PCSK2: variants seen among roughly 807,000 people sequenced by gnomAD.
PCSK2 encodes proprotein convertase subtilisin/kexin type 2, also known as neuroendocrine convertase 2.
In PCSK2, 14 loss-of-function variants were observed where a neutral mutation model predicts 69.7. The ratio of observed to expected loss-of-function variants is 0.20; its 90% CI spans 0.13 to 0.31. The LOEUF (loss-of-function observed/expected upper bound fraction) is 0.31, where lower values mean the gene tolerates loss of function less well. PCSK2 is among the 10% of genes least tolerant of loss of function. PCSK2 has a pLI of 1.00. For missense variants in PCSK2, 544 were observed against 842.5 expected (o/e 0.65, Z 4.39); for synonymous variants, 307 against 320.7 (o/e 0.96, Z 0.46).
At chr20:17,343,359 A>G (rs962128438) in intron 2 of PCSK2, among the ~76,000 whole-genome samples, 1 of 152,220 alleles carries the variant, frequency 6.6e-6, no homozygotes, top group Non-Finnish European at 1.5e-5. Flanking sequence ...CTAAGAAAAC[A>G]GTATAACCCA....
chr20:17,358,894 A>T (rs1444250412), intron 3 of PCSK2, among the ~76,000 whole-genome samples: 1 of 152,226 alleles, frequency 6.6e-6, no homozygotes, highest in Non-Finnish European at 1.5e-5. Context: ...AAGTAGCAAA[A>T]AGAGCATCTA....
rs768191363 is a variant in PCSK2, at chr20:17,332,431, A to T, written c.283-25896A>T. Among the ~76,000 whole-genome samples the T allele has an allele frequency of 8.2e-4, 125 of 152,300 alleles. 1 individual carries two copies. The highest frequency in any genetic ancestry group is 2.8e-3 in the African/African-American group (117 of 41,564). ...TGATAGCCACCTCTATCAAAAAGCCAAGTGGAGTTGAAAATAGGGCACTGG... is the reference window on the plus strand; with the variant it reads ...TGATAGCCACCTCTATCAAAAAGCCTAGTGGAGTTGAAAATAGGGCACTGG... On this transcript the variant is annotated intron_variant, in intron 2 of 11. Coordinates refer to ENST00000262545, the MANE Select transcript of PCSK2 (RefSeq NM_002594.5).
chr20:17,318,487 C>T (rs1047109612), intron 2 of PCSK2, among the ~76,000 whole-genome samples: 27 of 152,190 alleles, frequency 1.8e-4, no homozygotes, highest in Non-Finnish European at 3.5e-4. Context: ...GCCCCTGTTT[C>T]AAAGGCAAAA....
Position 17,412,557 on chromosome 20 carries a change from A to G in PCSK2, c.620+3218A>G, listed in dbSNP as rs189872681. On this transcript the variant is annotated intron_variant, in intron 6 of 11. Transcript: ENST00000262545. ...GAAAAGATCAAATCTACGTTTGATTAGTGTACTTGAAACTGACAGGGAGAA... is the reference window on the plus strand; with the variant it reads ...GAAAAGATCAAATCTACGTTTGATTGGTGTACTTGAAACTGACAGGGAGAA... 4.3e-3 allele frequency among the ~76,000 whole-genome samples: 655 copies of G among 152,332 alleles called. 1 individual carries two copies. The highest frequency in any genetic ancestry group is 6.8e-3 in the Middle Eastern group (2 of 294).
intron 1 of PCSK2, among the ~76,000 whole-genome samples, chr20:17,249,094 G>A (rs1248865904): frequency 6.6e-6 from 1 of 152,206 alleles, no homozygotes; most frequent in African/African-American, 2.4e-5. Context: ...AAGTGCAGGG[G>A]TAGGTGGGTT....
chr20:17,227,088 G>A lies in PCSK2; in HGVS notation c.-218G>A. The A allele has an allele frequency of 1.8e-6, 1 of 546,268 alleles. No homozygotes were observed. Among genetic ancestry groups the A allele is most frequent in the East Asian group, 3.0e-5 (1 of 33,492 alleles). The allele number at this position is 546,268 out of a possible 1,614,324, so 33.8% of individuals were successfully genotyped here. A position where few individuals can be genotyped will look rare whatever the true frequency, so the allele number is the denominator to read the frequency against. The stretch of plus-strand genomic sequence containing the variant: ...GCTCCCCACATTCGCACCCCTGCCC[G>A]CGCGCCGGGCCGCCTGACTGCACGG... On this transcript the variant is annotated 5_prime_UTR_variant, in exon 1 of 12. Coordinates refer to ENST00000262545, the MANE Select transcript of PCSK2 (RefSeq NM_002594.5).
chr20:17,252,950 T>C (rs188078439), intron 1 of PCSK2, among the ~76,000 whole-genome samples: 6 of 152,330 alleles, frequency 3.9e-5, no homozygotes, highest in Non-Finnish European at 7.4e-5. Context: ...TAAAATATCA[T>C]TAATAAATGT....
chr20:17,320,799 C>G (rs2123130812), intron 2 of PCSK2, among the ~76,000 whole-genome samples: 2 of 152,270 alleles, frequency 1.3e-5, no homozygotes, highest in South Asian at 4.1e-4. Flanking sequence ...TTTGGGGTTT[C>G]TAAAAGCAGC....
intron 2 of PCSK2, among the ~76,000 whole-genome samples, chr20:17,355,444 G>A (rs577561522): frequency 8.5e-5 from 13 of 152,238 alleles, no homozygotes; most frequent in African/African-American, 2.9e-4. Flanking sequence ...GCAGATAAAG[G>A]CCTCTCGTTG....
At chr20:17,375,567 G>A (rs568178822) in intron 5 of PCSK2, among the ~76,000 whole-genome samples, 3 of 152,234 alleles carry the variant, frequency 2.0e-5, no homozygotes, top group African/African-American at 7.2e-5. Context: ...CCTAAGGTGG[G>A]CAAAGGGATT....
intron 2 of PCSK2, among the ~76,000 whole-genome samples, chr20:17,301,083 G>C (rs1382888655): frequency 6.6e-6 from 1 of 152,206 alleles, no homozygotes; most frequent in African/African-American, 2.4e-5. Flanking sequence ...TTGTTAAAAA[G>C]CCTTCTAAAA....
chr20:17,405,586 T>C (rs1266665060), intron 5 of PCSK2, among the ~76,000 whole-genome samples: 1 of 152,226 alleles, frequency 6.6e-6, no homozygotes, highest in Non-Finnish European at 1.5e-5. Flanking sequence ...GCCAGAGGAA[T>C]CTGTGAATAT....
rs1402871944 is a variant in PCSK2 at position 17,367,718 on chromosome 20, G to C, written c.506-1522G>C. Among the ~76,000 whole-genome samples the C allele has an allele frequency of 5.9e-5, 9 of 152,196 alleles. No individual in the cohort carries two copies. The East Asian group carries it at 1.7e-3, about 29-fold the overall frequency. ...TCACTATGTTGCCCAGGCTGGTCTT[G>C]AACTCTTGGCCTCAAGCAATCCTCC... is the stretch of plus-strand genomic sequence containing the variant. On this transcript the variant is annotated intron_variant, in intron 4 of 11. Transcript: ENST00000262545.
At chr20:17,469,158 C>T (rs376956338) in intron 11 of PCSK2, among the ~76,000 whole-genome samples, 18 of 152,224 alleles carry the variant, frequency 1.2e-4, no homozygotes, top group African/African-American at 3.9e-4. Flanking sequence ...TGTTCACTCC[C>T]GTATCCCTCC....
chr20:17,414,086 A>T (rs1373569561), intron 6 of PCSK2, among the ~76,000 whole-genome samples: 2 of 152,240 alleles, frequency 1.3e-5, no homozygotes, highest in Non-Finnish European at 2.9e-5. Context: ...AGCAGGAAAG[A>T]TCTAAAATCG....
intron 5 of PCSK2, among the ~76,000 whole-genome samples, chr20:17,399,604 C>A (rs2031590326): frequency 6.6e-6 from 1 of 152,114 alleles, no homozygotes; most frequent in African/African-American, 2.4e-5. Flanking sequence ...GCCATGGGGG[C>A]ACTTAGCAGA....
intron 8 of PCSK2, among the ~76,000 whole-genome samples, chr20:17,449,526 G>GTTTATATA (rs1555796488): frequency 7.7e-6 from 1 of 130,690 alleles, no homozygotes; most frequent in Admixed American, 7.6e-5. Context: ...ATGTATGTAT[G>GTTTATATA]TATATATATA....
chr20:17,385,666 A>G (rs1373941668), intron 5 of PCSK2, among the ~76,000 whole-genome samples: 2 of 152,174 alleles, frequency 1.3e-5, no homozygotes, highest in Non-Finnish European at 1.5e-5. Flanking sequence ...CCAAAAGCTG[A>G]CTGTGAGACA....
intron 4 of PCSK2, among the ~76,000 whole-genome samples, chr20:17,361,474 G>T: frequency 6.6e-6 from 1 of 152,200 alleles, no homozygotes; most frequent in African/African-American, 2.4e-5. Context: ...TTTCACTGGG[G>T]ATGTGTTGTT....
Sources: gnomAD v4.1 joint callset for allele counts (sites outside exome capture counted in the v4.1 genomes callset) on GRCh38, gnomAD v4.1.1 for gene constraint, MANE v1.5 for transcripts, NCBI Gene and HGNC (gene_info 2026-07-23, HGNC 2026-07-21) for gene names.